The following ARHGAP44 variants were observed in gnomAD, a reference collection of about 807,000 sequenced individuals.
The protein encoded by ARHGAP44 is Rho GTPase activating protein 44, also known as rho GTPase-activating protein 44.
ARHGAP44 carries 43 observed loss-of-function variants against 106.8 expected under a neutral mutation model. The observed-to-expected ratio is 0.40, with a 90% CI of 0.32 to 0.52. ARHGAP44 has a LOEUF of 0.52. Ranked by LOEUF, ARHGAP44 falls within the 20% of genes least tolerant of loss-of-function variation. The pLI, the probability that ARHGAP44 is intolerant of heterozygous loss-of-function variation, is 0.48. For missense variants in ARHGAP44, 866 were observed against 1,050.5 expected, an observed-to-expected ratio of 0.82 and a Z score of 2.43; for synonymous variants, 439 against 410.3, an observed-to-expected ratio of 1.07 and a Z score of -0.85.
At chr17:12,857,685 T>C (rs1245919278) in intron 1 of ARHGAP44, among the ~76,000 whole-genome samples, 1 of 152,210 alleles carries the variant, frequency 6.6e-6, no homozygotes, top group African/African-American at 2.4e-5. Context: ...TAGATGTCTT[T>C]TATAGGAAAT....
At chr17:12,850,142 C>T (rs768870866) in intron 1 of ARHGAP44, among the ~76,000 whole-genome samples, 9 of 152,018 alleles carry the variant, frequency 5.9e-5, no homozygotes, top group Non-Finnish European at 1.0e-4. Flanking sequence ...ATATTAGAGC[C>T]GAGGAAACTC....
intron 4 of ARHGAP44, among the ~76,000 whole-genome samples, chr17:12,913,310 A>G (rs2037795842): frequency 6.6e-6 from 1 of 152,158 alleles, no homozygotes; most frequent in Admixed American, 6.5e-5. Context: ...GTGGCAGAGT[A>G]TTTTGAATTC....
chr17:12,970,211 T>C (rs969210105), intron 16 of ARHGAP44, among the ~76,000 whole-genome samples: 6 of 151,306 alleles, frequency 4.0e-5, no homozygotes, highest in Admixed American at 3.9e-4. Context: ...AAAAAAATTA[T>C]GAAAATTAGC....
chr17:12,856,112 G>A (rs775843514), intron 1 of ARHGAP44, among the ~76,000 whole-genome samples: 4 of 152,206 alleles, frequency 2.6e-5, no homozygotes, highest in Non-Finnish European at 4.4e-5. Context: ...CTCCATAGCT[G>A]AGGGGCCACA....
intron 3 of ARHGAP44, among the ~76,000 whole-genome samples, chr17:12,907,650 T>C (rs765134927): frequency 6.6e-6 from 1 of 152,226 alleles, no homozygotes; most frequent in Non-Finnish European, 1.5e-5. Flanking sequence ...CATGCAGCAT[T>C]CCCTTTTTCA....
chr17:12,840,118 G>A (rs1597917582), intron 1 of ARHGAP44, among the ~76,000 whole-genome samples: 1 of 152,034 alleles, frequency 6.6e-6, no homozygotes, highest in Admixed American at 6.6e-5. Context: ...TTATGGTTTA[G>A]ATTTTCAGCA....
chr17:12,907,344 G>A (rs1260855937), intron 3 of ARHGAP44, among the ~76,000 whole-genome samples: 1 of 152,128 alleles, frequency 6.6e-6, no homozygotes, highest in East Asian at 1.9e-4. Flanking sequence ...CTCCCTCCCT[G>A]TAACATAAAA....
Position 12,943,645 on chromosome 17 carries a change from T to C in ARHGAP44, c.709T>C (p.Leu237=), listed in dbSNP as rs757041874. The change falls in exon 9 of 21, where the codon TTG becomes CTG. Residue 237 remains leucine, a synonymous_variant. Transcript: ENST00000379672. ...RKSLTLLQAV[L]PQIKAQQEAW... ...GTCCCTGACACTATTGCAGGCTGTA[T>C]TGCCTCAGATCAAAGCACAACAGGG... 7 of 1,613,852 alleles carry C rather than the reference T, an allele frequency of 4.3e-6. No homozygotes were observed. The highest frequency in any genetic ancestry group is 3.3e-5 in the South Asian group (3 of 91,060).
At chr17:12,973,001 G>A (rs991330355) in intron 16 of ARHGAP44, 15 of 366,850 alleles carry the variant, frequency 4.1e-5, no homozygotes, top group Non-Finnish European at 6.3e-5. Context: ...GAAGTGAGCA[G>A]ATGACTACTT....
chr17:12,848,908 C>T (rs1432487224), intron 1 of ARHGAP44, among the ~76,000 whole-genome samples: 2 of 151,930 alleles, frequency 1.3e-5, no homozygotes, highest in East Asian at 1.9e-4. Flanking sequence ...ATTAGCCAGG[C>T]GTGGTGGCGC....
In ARHGAP44 at chr17:12,902,290, A is replaced by G. The variant is rs567843914; in HGVS notation, c.198+5779A>G. On this transcript the variant is annotated intron_variant, in intron 3 of 20. Transcript: ENST00000379672. ...CCTCTTGGGCCATTGTGCTTGCTCT[A>G]TCCTCCGCAGGGAATGCTCTTACCC... is the stretch of plus-strand genomic sequence containing the variant. Among the ~76,000 whole-genome samples the G allele has an allele frequency of 5.9e-5, 9 of 152,156 alleles. No individual in the cohort carries two copies. In the South Asian group the frequency reaches 1.2e-3, roughly 21 times the overall value.
chr17:12,918,821 G>GT (rs34732007), intron 5 of ARHGAP44, among the ~76,000 whole-genome samples: 47 of 151,104 alleles, frequency 3.1e-4, no homozygotes, highest in African/African-American at 8.7e-4. Flanking sequence ...TTGAGCCCTG[G>GT]TTTTTTTTTG....
chr17:12,877,013 C>T (rs1271708696), intron 1 of ARHGAP44, among the ~76,000 whole-genome samples: 1 of 151,708 alleles, frequency 6.6e-6, no homozygotes, highest in Non-Finnish European at 1.5e-5. Flanking sequence ...CCAATAGTTG[C>T]TGAAAATATT....
chr17:12,978,065 C>CGT (rs1567721144), intron 18 of ARHGAP44, among the ~76,000 whole-genome samples: 1 of 118,504 alleles, frequency 8.4e-6, no homozygotes, highest in African/African-American at 3.3e-5. Flanking sequence ...AAGTGTGTTT[C>CGT]GTGGCAGGGA....
At chr17:12,865,791 A>G (rs78529523) in intron 1 of ARHGAP44, among the ~76,000 whole-genome samples, 2 of 37,848 alleles carry the variant, frequency 5.3e-5, no homozygotes, top group Admixed American at 3.9e-4. Context: ...TCATCTCAAG[A>G]AAAAAAAAAA....
intron 1 of ARHGAP44, among the ~76,000 whole-genome samples, chr17:12,807,740 A>T (rs1387637872): frequency 1.3e-5 from 2 of 151,974 alleles, no homozygotes; most frequent in Non-Finnish European, 2.9e-5. Context: ...ATATTATTCC[A>T]CCCCTGACCC....
intron 1 of ARHGAP44, among the ~76,000 whole-genome samples, chr17:12,883,198 A>C (rs1361911038): frequency 1.3e-5 from 2 of 151,116 alleles, no homozygotes; most frequent in Non-Finnish European, 3.0e-5. Flanking sequence ...AAACTTGCTC[A>C]CAAATGTTAT....
At chr17:12,815,134 T>G (rs2150786031) in intron 1 of ARHGAP44, among the ~76,000 whole-genome samples, 1 of 152,300 alleles carries the variant, frequency 6.6e-6, no homozygotes, top group South Asian at 2.1e-4. Flanking sequence ...TTTTGATTTT[T>G]TTTTTTTAAA....
At chr17:12,981,348 C>T (rs765188957) in intron 19 of ARHGAP44, among the ~76,000 whole-genome samples, 51 of 151,866 alleles carry the variant, frequency 3.4e-4, no homozygotes, top group Non-Finnish European at 6.9e-4. Context: ...CAGAGCATTT[C>T]TCCAGCACCA....
Sources: gnomAD v4.1 joint callset for allele counts (sites outside exome capture counted in the v4.1 genomes callset) on GRCh38, gnomAD v4.1.1 for gene constraint, MANE v1.5 for transcripts, NCBI Gene and HGNC (gene_info 2026-07-23, HGNC 2026-07-21) for gene names.